Variants in RYR1 observed in about 807,000 individuals in gnomAD.
The protein encoded by RYR1 is central core disease of muscle.
In RYR1, 342 loss-of-function variants were observed where a neutral mutation model predicts 583.5. The observed-to-expected ratio is 0.59, with a 90% CI of 0.54 to 0.64. The LOEUF is 0.64. RYR1 is among the 30% of genes least tolerant of loss of function. The pLI is 0.00. For missense variants in RYR1, 6,032 were observed against 6,917.2 expected, an observed-to-expected ratio of 0.87 and a Z score of 4.54; for synonymous variants, 2,791 against 2,822.5, an observed-to-expected ratio of 0.99 and a Z score of 0.35.
At position 38,575,921 on chromosome 19, in the gene RYR1, C is replaced by G. The variant is rs201147958; in HGVS notation, c.14132C>G (p.Ser4711Cys). ...QWDRLVLNTP[S>C]FPSNYWDKFV... ...GCTTTCTCTCTCTCTCTCTGCAGGT[C>G]TTTCCCTAGCAACTACTGGGACAAG... The change falls in exon 97 of 106, where the codon TCT becomes TGT. Residue 4711 changes from serine to cysteine, a missense_variant and splice_region_variant. Transcript: ENST00000359596. 51 of 1,614,198 alleles carry G rather than the reference C, an allele frequency of 3.2e-5. No individual in the cohort carries two copies. The highest frequency in any genetic ancestry group is 4.0e-5 in the African/African-American group (3 of 75,054).
intron 95 of RYR1, among the ~76,000 whole-genome samples, chr19:38,572,483 C>T (rs1043530289): frequency 1.3e-5 from 2 of 152,078 alleles, no homozygotes; most frequent in Non-Finnish European, 2.9e-5. Flanking sequence ...AGATTGGGAA[C>T]GGACACGGCT....
intron 97 of RYR1, among the ~76,000 whole-genome samples, chr19:38,577,178 G>T (rs1250320628): frequency 6.6e-6 from 1 of 152,098 alleles, no homozygotes; most frequent in Admixed American, 6.5e-5. Flanking sequence ...GAGCCACCGC[G>T]CCCAGCCGAT....
intron 84 of RYR1, 82 bp downstream of exon 84, chr19:38,538,042 C>A: frequency 7.7e-7 from 1 of 1,294,738 alleles, no homozygotes; most frequent in Non-Finnish European, 1.1e-6. Context: ...GTTTCCGCCC[C>A]TCCTCCTCCC....
chr19:38,478,696 G>A (rs1968868845), intron 31 of RYR1, 96 bp downstream of exon 31: 1 of 1,429,232 alleles, frequency 7.0e-7, no homozygotes, highest in Non-Finnish European at 9.7e-7. Flanking sequence ...CTCAGAGATG[G>A]AACAAAAACA....
rs971679813 is a variant in RYR1, at chr19:38,483,652, G to C, written c.4934+136G>C. The C allele has an allele frequency of 4.3e-5, 33 of 770,364 alleles. No homozygotes were observed. In the African/African-American group the frequency reaches 4.5e-4, roughly 10 times the overall value. The allele number at this position is 770,364 out of a possible 1,614,324, so 47.7% of individuals were successfully genotyped here. A position where few individuals can be genotyped will look rare whatever the true frequency, so the allele number is the denominator to read the frequency against. On this transcript the variant is annotated intron_variant, in intron 33 of 105. Coordinates refer to ENST00000359596, the MANE Select transcript of RYR1 (RefSeq NM_000540.3). This position sits in a 1 kb window ranked among gnomAD's most constrained non-coding sequence, Gnocchi z 6.3. ...CCAGGAATCTCCAGACCTACCTCAG[G>C]GGACTCGGGCTCAGCTCAGACATCC... is the stretch of plus-strand genomic sequence containing the variant.
At chr19:38,572,974 T>C (rs1973790004) in intron 95 of RYR1, among the ~76,000 whole-genome samples, 1 of 141,812 alleles carries the variant, frequency 7.1e-6, no homozygotes, top group South Asian at 2.4e-4. Context: ...GCCTCCCCCA[T>C]CCCTGCCCTG....
chr19:38,489,791 G>C (rs1338263315), intron 35 of RYR1, among the ~76,000 whole-genome samples: 4 of 152,142 alleles, frequency 2.6e-5, no homozygotes, highest in Non-Finnish European at 5.9e-5. Flanking sequence ...ACCACGCCCA[G>C]CTAATTTTTT....
chr19:38,532,658 G>GC lies in RYR1; in HGVS notation c.11194-8dup. The GC allele has an allele frequency of 6.2e-7, 1 of 1,614,108 alleles. No homozygotes were observed. The highest frequency in any genetic ancestry group is 8.5e-7 in the Non-Finnish European group (1 of 1,180,008). ...CTGCTTTGTTCATCCCTTAACTGATGCCCCCTCCCCAGAGCTGCCACCTGG... is the reference window on the plus strand; with the variant it reads ...CTGCTTTGTTCATCCCTTAACTGATGCCCCCCTCCCCAGAGCTGCCACCTGG... On this transcript the variant is annotated splice_polypyrimidine_tract_variant and intron_variant, in intron 77 of 105. Transcript: ENST00000359596.
At chr19:38,533,065 C>A (rs1386784124) in intron 78 of RYR1, among the ~76,000 whole-genome samples, 2 of 151,518 alleles carry the variant, frequency 1.3e-5, no homozygotes, top group Non-Finnish European at 2.9e-5. Flanking sequence ...GATGGGGGAA[C>A]CTCAGGGGGA....
At chr19:38,537,001 TAA>T (rs1972001100) in intron 83 of RYR1, 1 of 597,964 alleles carries the variant, frequency 1.7e-6, no homozygotes, top group Non-Finnish European at 3.0e-6. Flanking sequence ...TTACCTTCCC[TAA>T]GCTTCACTTT....
At chr19:38,446,177 CA>C (rs1305510759) in intron 7 of RYR1, among the ~76,000 whole-genome samples, 1 of 152,070 alleles carries the variant, frequency 6.6e-6, no homozygotes, top group Non-Finnish European at 1.5e-5. Context: ...ACCCCAACCT[CA>C]AAAGTCCAAA....
rs199541173 is a variant in RYR1, at chr19:38,463,437, C to T, written c.2592C>T (p.Pro864=). The T allele has an allele frequency of 7.4e-6, 12 of 1,613,934 alleles. No individual in the cohort carries two copies. The highest frequency in any genetic ancestry group is 1.0e-5 in the Non-Finnish European group (12 of 1,179,990). Residue 864 remains proline, a synonymous_variant, in exon 21 of 106, where the codon CCC becomes CCT. Transcript: ENST00000359596. Reference sequence around the variant, plus strand: ...TCTGCCTCTAGATTGTCCTGCCGCCCCATCTGGAGCGCATTCGGGAGAAGC... The same window carrying T: ...TCTGCCTCTAGATTGTCCTGCCGCCTCATCTGGAGCGCATTCGGGAGAAGC... ...PVDTVQIVLP[P]HLERIREKLA...
At position 38,446,503 on chromosome 19, in the gene RYR1, C is replaced by G. The variant is rs761319979; in HGVS notation, c.663C>G (p.Leu221=). ...GFVTGGHVLR[L]FHGHMDECLT... is the part of the protein sequence containing the mutation. ...TGACGGGAGGTCACGTCCTCCGCCTCTTTCATGGACATATGGATGAGTGTC... is the reference window on the plus strand; with the variant it reads ...TGACGGGAGGTCACGTCCTCCGCCTGTTTCATGGACATATGGATGAGTGTC... The change falls in exon 8 of 106, where the codon CTC becomes CTG. Residue 221 remains leucine (L), a synonymous_variant. Coordinates refer to ENST00000359596, the MANE Select transcript of RYR1 (RefSeq NM_000540.3). The G allele has an allele frequency of 1.2e-6, 2 of 1,614,210 alleles. No homozygotes were observed. The highest frequency in any genetic ancestry group is 1.7e-6 in the Non-Finnish European group (2 of 1,180,028).
rs192427677 is a variant in RYR1, at chr19:38,531,210, C to T, written c.11142-1280C>T. Among the ~76,000 whole-genome samples the T allele has an allele frequency of 8.6e-5, 13 of 152,032 alleles. No individual in the cohort carries two copies. In the East Asian group the frequency reaches 2.3e-3, roughly 27 times the overall value. On this transcript the variant is annotated intron_variant, in intron 76 of 105. Transcript: ENST00000359596. ...CAGAAATTCTGACATAAGGCCATCT[C>T]GGGCTGCAAGGTGATGAAGAATTTG... is the stretch of plus-strand genomic sequence containing the variant.
At chr19:38,517,132 G>A (rs1971004641) in intron 65 of RYR1, among the ~76,000 whole-genome samples, 1 of 152,032 alleles carries the variant, frequency 6.6e-6, no homozygotes, top group African/African-American at 2.4e-5. Context: ...GAGATTTTAG[G>A]GAGCAGACAG....
At chr19:38,580,155 G>T (rs372195512) in intron 100 of RYR1, 27 bp downstream of exon 100, 1 of 1,613,930 alleles carries the variant, frequency 6.2e-7, no homozygotes. Context: ...GCTGTGGGGC[G>T]TGGGCCAGCA....
chr19:38,511,728 C>T, intron 61 of RYR1, 118 bp downstream of exon 61: 1 of 1,255,836 alleles, frequency 8.0e-7, no homozygotes, highest in Admixed American at 1.7e-5. Flanking sequence ...TCCCCTGGAC[C>T]TGGAGACATG....
At chr19:38,553,951 G>A (rs1479807632) in intron 89 of RYR1, among the ~76,000 whole-genome samples, 1 of 152,126 alleles carries the variant, frequency 6.6e-6, no homozygotes, top group Non-Finnish European at 1.5e-5. Context: ...GTATATTATG[G>A]TTTATTTGCT....
chr19:38,500,683 G>A lies in RYR1; in HGVS notation c.7401G>A (p.Val2467=), dbSNP rs991981033. Residue 2467 remains valine, a synonymous_variant, in exon 46 of 106, where the codon GTG becomes GTA. Transcript: ENST00000359596. The surrounding 1 kb of genome is among the most constrained non-coding windows in gnomAD (Gnocchi z 5.9). ...CCCTTGTGCCCTTGGAGGACCTTGT[G>A]GGCATCATCAGCCTCCCACTGCAGA... ...LRSLVPLEDL[V]GIISLPLQIP... 19 of 1,613,988 alleles carry A rather than the reference G, an allele frequency of 1.2e-5. No individual in the cohort carries two copies. Among genetic ancestry groups the A allele is most frequent in the Non-Finnish European group, 1.5e-5 (18 of 1,180,036 alleles).
Sources: gnomAD v4.1 joint callset for allele counts (sites outside exome capture counted in the v4.1 genomes callset) on GRCh38, gnomAD v4.1.1 for gene constraint, Gnocchi (gnomAD v3.1) non-coding constraint, MANE v1.5 for transcripts, NCBI Gene and HGNC (gene_info 2026-07-23, HGNC 2026-07-21) for gene names.